Variants in SEMA3C observed in about 807,000 individuals in gnomAD.
The protein encoded by SEMA3C is semaphorin 3C, also known as semaphorin-3C.
In SEMA3C, 47 loss-of-function variants were observed where a neutral mutation model predicts 89.4. The observed-to-expected ratio is 0.53, with a 90% CI of 0.42 to 0.67. The LOEUF (loss-of-function observed/expected upper bound fraction) is 0.67. Among genes scored for constraint, SEMA3C ranks in the 30% least tolerant of loss-of-function variants. The pLI is 0.00. For synonymous variants in SEMA3C, 310 were observed against 320.2 expected, an observed-to-expected ratio of 0.97 and a Z score of 0.34; for missense variants, 839 against 929.1, an observed-to-expected ratio of 0.90 and a Z score of 1.26.
At chr7:80,897,870 T>C (rs759288570) in intron 2 of SEMA3C, among the ~76,000 whole-genome samples, 8 of 152,216 alleles carry the variant, frequency 5.3e-5, no homozygotes, top group Non-Finnish European at 8.8e-5. Flanking sequence ...CCTAAATACA[T>C]TGGAATAAAT....
intron 2 of SEMA3C, among the ~76,000 whole-genome samples, chr7:80,846,468 C>T (rs1177030897): frequency 1.3e-5 from 2 of 152,084 alleles, no homozygotes; most frequent in South Asian, 2.1e-4. Context: ...GGGATCATCC[C>T]GCCTCAGCCT....
chr7:80,764,306 T>C (rs963065597), intron 13 of SEMA3C, among the ~76,000 whole-genome samples: 6 of 152,188 alleles, frequency 3.9e-5, no homozygotes, highest in East Asian at 1.9e-4. Context: ...ATTGGTTTAG[T>C]TGGAAATAGT....
chr7:80,788,306 A>C (rs2115575304), intron 12 of SEMA3C, among the ~76,000 whole-genome samples: 1 of 152,354 alleles, frequency 6.6e-6, no homozygotes, highest in African/African-American at 2.4e-5. Flanking sequence ...GTAAGTGAAG[A>C]GATTTCATCA....
chr7:80,814,970 A>G (rs73372941), intron 5 of SEMA3C, among the ~76,000 whole-genome samples: 3,521 of 152,282 alleles, frequency 0.023, 92 homozygotes, highest in African/African-American at 0.054. Flanking sequence ...TACCTAACAC[A>G]TAAGTGACAA....
intron 11 of SEMA3C, among the ~76,000 whole-genome samples, chr7:80,797,477 T>C (rs1367552339): frequency 1.3e-5 from 2 of 152,232 alleles, no homozygotes; most frequent in African/African-American, 4.8e-5. Context: ...AGACCATTCC[T>C]AATTAGAAAG....
At chr7:80,755,615 A>C (rs1002536868) in intron 15 of SEMA3C, among the ~76,000 whole-genome samples, 7 of 151,856 alleles carry the variant, frequency 4.6e-5, no homozygotes, top group Admixed American at 3.9e-4. Flanking sequence ...CTTCAGTACT[A>C]TATCTGCTTA....
chr7:80,860,530 T>C (rs918737389), intron 2 of SEMA3C, among the ~76,000 whole-genome samples: 11 of 152,278 alleles, frequency 7.2e-5, no homozygotes, highest in African/African-American at 2.4e-4. Flanking sequence ...TAGCCTGAGC[T>C]CTGCTCACCA....
At chr7:80,877,263 C>T (rs114056955) in intron 2 of SEMA3C, among the ~76,000 whole-genome samples, 1,851 of 152,258 alleles carry the variant, frequency 0.012, 30 homozygotes, top group African/African-American at 0.039. Flanking sequence ...CTCCTAATCA[C>T]ACTACACACT....
chr7:80,840,487 C>T (rs1474590291), intron 2 of SEMA3C, among the ~76,000 whole-genome samples: 1 of 145,542 alleles, frequency 6.9e-6, no homozygotes. Context: ...CCACTGCACT[C>T]CAGCCTAGGT....
chr7:80,824,381 C>T (rs1464685209), intron 4 of SEMA3C, among the ~76,000 whole-genome samples: 2 of 152,052 alleles, frequency 1.3e-5, no homozygotes, highest in Non-Finnish European at 2.9e-5. Context: ...TCAGTTGGAA[C>T]GAGTTCACGT....
chr7:80,843,917 C>T (rs1790329510), intron 2 of SEMA3C, among the ~76,000 whole-genome samples: 1 of 151,322 alleles, frequency 6.6e-6, no homozygotes, highest in South Asian at 2.1e-4. Flanking sequence ...CTAATTCCTA[C>T]TGAGAACATA....
chr7:80,841,201 G>A (rs1367836310), intron 2 of SEMA3C, among the ~76,000 whole-genome samples: 2 of 152,162 alleles, frequency 1.3e-5, no homozygotes, highest in African/African-American at 2.4e-5. Context: ...AAGTTTGCTA[G>A]AAAGATAATT....
intron 2 of SEMA3C, among the ~76,000 whole-genome samples, chr7:80,841,864 A>G (rs1391834205): frequency 6.6e-6 from 1 of 152,166 alleles, no homozygotes; most frequent in African/African-American, 2.4e-5. Context: ...TTATCTAAAT[A>G]TTATTTATTT....
chr7:80,785,519 CAGTT>C (rs748949115), intron 12 of SEMA3C, among the ~76,000 whole-genome samples: 3 of 152,140 alleles, frequency 2.0e-5, no homozygotes, highest in Non-Finnish European at 4.4e-5. Context: ...CTTCCCAAGA[CAGTT>C]AGATATATAA....
chr7:80,868,636 G>A (rs1232749853), intron 2 of SEMA3C, among the ~76,000 whole-genome samples: 2 of 152,074 alleles, frequency 1.3e-5, no homozygotes, highest in East Asian at 3.9e-4. Flanking sequence ...GTAACCAGAG[G>A]ATGACCATAT....
chr7:80,876,733 C>A (rs1161799730), intron 2 of SEMA3C, among the ~76,000 whole-genome samples: 1 of 152,086 alleles, frequency 6.6e-6, no homozygotes, highest in Non-Finnish European at 1.5e-5. Context: ...TAAAATAAAG[C>A]CCTTTGATAA....
At chr7:80,846,402 G>C (rs1463526833) in intron 2 of SEMA3C, among the ~76,000 whole-genome samples, 1 of 152,122 alleles carries the variant, frequency 6.6e-6, no homozygotes, top group Non-Finnish European at 1.5e-5. Flanking sequence ...TGTCACCCAG[G>C]CTGGAATGCA....
chr7:80,798,650 A>G (rs1016575585), intron 10 of SEMA3C, among the ~76,000 whole-genome samples: 1 of 152,186 alleles, frequency 6.6e-6, no homozygotes, highest in Admixed American at 6.5e-5. Flanking sequence ...TGAACACCAT[A>G]TCTTTTTGTG....
intron 2 of SEMA3C, among the ~76,000 whole-genome samples, chr7:80,886,491 T>C (rs1791482367): frequency 6.6e-6 from 1 of 151,872 alleles, no homozygotes; most frequent in Admixed American, 6.6e-5. Flanking sequence ...GTAGCTGGGA[T>C]TACAGGCACG....
Sources: gnomAD v4.1 joint callset for allele counts (sites outside exome capture counted in the v4.1 genomes callset) on GRCh38, gnomAD v4.1.1 for gene constraint, MANE v1.5 for transcripts, NCBI Gene and HGNC (gene_info 2026-07-23, HGNC 2026-07-21) for gene names.